The following ZBTB7C variants were observed in gnomAD, a reference collection of about 807,000 sequenced individuals.
ZBTB7C encodes zinc finger and BTB domain-containing protein 7C.
A neutral mutation model predicts 25.7 loss-of-function variants in ZBTB7C; 8 were observed. That is an observed-to-expected ratio of 0.31 (90% CI 0.18 to 0.56). The LOEUF (loss-of-function observed/expected upper bound fraction) is 0.56, where lower values mean the gene tolerates loss of function less well. ZBTB7C is among the 20% of genes least tolerant of loss of function. The pLI, the probability that ZBTB7C is intolerant of heterozygous loss-of-function variation, is 0.91. For synonymous variants in ZBTB7C, 394 were observed against 369.0 expected, an observed-to-expected ratio of 1.07 and a Z score of -0.78; for missense variants, 824 against 855.2, an observed-to-expected ratio of 0.96 and a Z score of 0.46.
At chr18:48,359,838 G>T (rs550289764) in intron 1 of ZBTB7C, among the ~76,000 whole-genome samples, 64 of 152,358 alleles carry the variant, frequency 4.2e-4, no homozygotes, top group Non-Finnish European at 2.2e-4. Context: ...CGAGAGGCTA[G>T]AGACCCCTGC....
chr18:48,231,437 G>A (rs954344940), intron 2 of ZBTB7C, among the ~76,000 whole-genome samples: 4 of 152,088 alleles, frequency 2.6e-5, no homozygotes, highest in African/African-American at 9.7e-5. Context: ...AAAATAATAG[G>A]ATGAACTGCC....
intron 3 of ZBTB7C, among the ~76,000 whole-genome samples, chr18:48,178,498 A>C (rs1055392510): frequency 6.6e-6 from 1 of 152,212 alleles, no homozygotes; most frequent in Non-Finnish European, 1.5e-5. Context: ...AAGTTGGTGG[A>C]GGAATACCTT....
chr18:48,083,621 G>A (rs891703283), intron 3 of ZBTB7C, among the ~76,000 whole-genome samples: 3 of 152,120 alleles, frequency 2.0e-5, no homozygotes, highest in African/African-American at 7.2e-5. Flanking sequence ...TAGGCCATTT[G>A]CTGGGACATG....
chr18:48,148,454 G>C (rs1362042518), intron 3 of ZBTB7C: 1 of 152,210 alleles, frequency 6.6e-6, no homozygotes, highest in Admixed American at 6.5e-5. Context: ...ATTTGAAAAT[G>C]ATGCATCAGA....
chr18:48,362,662 G>C (rs971889502), intron 1 of ZBTB7C, among the ~76,000 whole-genome samples: 9 of 152,130 alleles, frequency 5.9e-5, no homozygotes, highest in Non-Finnish European at 1.3e-4. Flanking sequence ...AAGCCTCCCT[G>C]GGGGAGTCCT....
At chr18:48,317,350 A>G (rs569263222) in intron 2 of ZBTB7C, among the ~76,000 whole-genome samples, 1 of 152,064 alleles carries the variant, frequency 6.6e-6, no homozygotes, top group East Asian at 1.9e-4. Context: ...CATCACAGCC[A>G]AAGCTAAAGC....
chr18:48,387,892 T>A (rs547081815), intron 1 of ZBTB7C, among the ~76,000 whole-genome samples: 1 of 152,184 alleles, frequency 6.6e-6, no homozygotes, highest in African/African-American at 2.4e-5. Context: ...AGTGGTGCGA[T>A]CTCAGCTCAC....
intron 4 of ZBTB7C, among the ~76,000 whole-genome samples, chr18:48,038,546 T>C (rs984194322): frequency 1.0e-4 from 15 of 150,410 alleles, no homozygotes; most frequent in African/African-American, 3.7e-4. Flanking sequence ...AGAGGACTCA[T>C]CTTTTTTTTT....
intron 3 of ZBTB7C, among the ~76,000 whole-genome samples, chr18:48,106,644 T>C (rs2039037984): frequency 6.6e-6 from 1 of 152,200 alleles, no homozygotes; most frequent in Non-Finnish European, 1.5e-5. Flanking sequence ...TGTCAAAACC[T>C]ATCAAACTAC....
At chr18:48,313,877 T>C (rs941115385) in intron 2 of ZBTB7C, among the ~76,000 whole-genome samples, 2 of 152,156 alleles carry the variant, frequency 1.3e-5, no homozygotes, top group South Asian at 2.1e-4. Context: ...AGGCAGAACA[T>C]GAATGGCTTA....
At chr18:48,305,440 C>T (rs2045650343) in intron 2 of ZBTB7C, among the ~76,000 whole-genome samples, 1 of 152,180 alleles carries the variant, frequency 6.6e-6, no homozygotes, top group Non-Finnish European at 1.5e-5. Flanking sequence ...CTGGGAAATA[C>T]TGCCCAGACC....
intron 1 of ZBTB7C, among the ~76,000 whole-genome samples, chr18:48,376,414 G>A (rs561283463): frequency 1.3e-5 from 2 of 152,312 alleles, no homozygotes; most frequent in East Asian, 1.9e-4. Flanking sequence ...AGCTTCCCAC[G>A]TGACTCAGCT....
chr18:48,218,873 C>T (rs888692371), intron 2 of ZBTB7C, among the ~76,000 whole-genome samples: 5 of 152,150 alleles, frequency 3.3e-5, no homozygotes, highest in Admixed American at 6.5e-5. Context: ...ACAGCTATGC[C>T]GGGGCCAAGA....
intron 2 of ZBTB7C, among the ~76,000 whole-genome samples, chr18:48,271,504 T>C (rs2044484540): frequency 6.8e-6 from 1 of 147,720 alleles, no homozygotes; most frequent in Non-Finnish European, 1.5e-5. Context: ...TTATATTATA[T>C]AGTATTTTAT....
intron 2 of ZBTB7C, among the ~76,000 whole-genome samples, chr18:48,278,807 T>C (rs1598763584): frequency 6.6e-6 from 1 of 152,200 alleles, no homozygotes; most frequent in South Asian, 2.1e-4. Flanking sequence ...GTTTGCCACG[T>C]GGCAATAAAC....
intron 3 of ZBTB7C, among the ~76,000 whole-genome samples, chr18:48,181,322 G>A (rs2041915640): frequency 6.6e-6 from 1 of 152,224 alleles, no homozygotes; most frequent in African/African-American, 2.4e-5. Context: ...GAGCTGAGCA[G>A]TGCATAAGAA....
rs573602197 is a variant in ZBTB7C at position 48,319,046 on chromosome 18, G to A, written c.-79+19128C>T. Among the ~76,000 whole-genome samples the A allele has an allele frequency of 5.9e-5, 9 of 152,144 alleles. No homozygotes were observed. In the South Asian group the frequency reaches 1.9e-3, roughly 31 times the overall value. Reference sequence around the variant, plus strand: ...ATCTTAGCAAGCATCAGAGAGTAAGGTCGCTTTCTCCTACCATAAATTTTG... The same window carrying A: ...ATCTTAGCAAGCATCAGAGAGTAAGATCGCTTTCTCCTACCATAAATTTTG... On this transcript the variant is annotated intron_variant, in intron 2 of 4. Coordinates refer to ENST00000590800, the MANE Select transcript of ZBTB7C (RefSeq NM_001318841.2).
Position 48,073,152 on chromosome 18 carries a change from G to T in ZBTB7C, c.-16-32029C>A, listed in dbSNP as rs1009608881. The stretch of plus-strand genomic sequence containing the variant: ...AGGAGACCTTGGGCAGCTGCACGTC[G>T]CAATTAAACTGGACTTGTCCGACTT... On this transcript the variant is annotated intron_variant, in intron 3 of 4. Coordinates refer to ENST00000590800, the MANE Select transcript of ZBTB7C (RefSeq NM_001318841.2). Among the ~76,000 whole-genome samples, 4 of 152,278 alleles carry T rather than the reference G, an allele frequency of 2.6e-5. No individual in the cohort carries two copies. In the South Asian group the frequency reaches 8.3e-4, roughly 32 times the overall value.
At chr18:48,260,445 T>C (rs1167920928) in intron 2 of ZBTB7C, among the ~76,000 whole-genome samples, 1 of 152,218 alleles carries the variant, frequency 6.6e-6, no homozygotes, top group Non-Finnish European at 1.5e-5. Flanking sequence ...CATAGATGTA[T>C]GCATAAGTCT....
Sources: gnomAD v4.1 joint callset for allele counts (sites outside exome capture counted in the v4.1 genomes callset) on GRCh38, gnomAD v4.1.1 for gene constraint, MANE v1.5 for transcripts, NCBI Gene and HGNC (gene_info 2026-07-23, HGNC 2026-07-21) for gene names.